Variants in ASTN2 observed in about 807,000 individuals in gnomAD.
ASTN2 encodes the protein astrotactin-2.
ASTN2 carries 54 observed loss-of-function variants against 139.8 expected under a neutral mutation model. That is an observed-to-expected ratio of 0.39 (90% CI 0.31 to 0.48). The LOEUF (loss-of-function observed/expected upper bound fraction) is 0.48, where lower values mean the gene tolerates loss of function less well. ASTN2 is among the 20% of genes least tolerant of loss of function. ASTN2 has a pLI of 0.95. For synonymous variants in ASTN2, 756 were observed against 719.5 expected (o/e 1.05, Z -0.81); for missense variants, 1,565 against 1,725.1 (o/e 0.91, Z 1.64).
chr9:116,834,587 A>C (rs1831926606), intron 11 of ASTN2, among the ~76,000 whole-genome samples: 1 of 152,204 alleles, frequency 6.6e-6, no homozygotes, highest in Non-Finnish European at 1.5e-5. Context: ...ATCTGTTATT[A>C]ATATAGCTAC....
At chr9:117,211,800 C>T (rs906477869) in intron 3 of ASTN2, among the ~76,000 whole-genome samples, 2 of 152,034 alleles carry the variant, frequency 1.3e-5, no homozygotes, top group African/African-American at 4.8e-5. Context: ...ATCCCATCTA[C>T]AACAGCTATA....
chr9:117,186,552 A>T (rs1314008835), intron 3 of ASTN2, among the ~76,000 whole-genome samples: 1 of 152,006 alleles, frequency 6.6e-6, no homozygotes, highest in Non-Finnish European at 1.5e-5. Context: ...GTCTCAAAAA[A>T]ATAAATAAAT....
chr9:116,793,946 T>C (rs900552708), intron 13 of ASTN2, among the ~76,000 whole-genome samples: 1 of 152,132 alleles, frequency 6.6e-6, no homozygotes, highest in Non-Finnish European at 1.5e-5. Flanking sequence ...TCTTAGAGGA[T>C]CATATGGTTT....
intron 13 of ASTN2, among the ~76,000 whole-genome samples, chr9:116,777,083 C>G (rs914189533): frequency 1.3e-5 from 2 of 152,264 alleles, no homozygotes; most frequent in African/African-American, 4.8e-5. Flanking sequence ...TCAAGCTGTG[C>G]TGTGTGAATT....
Position 116,423,384 on chromosome 9 carries a change from G to A in ASTN2, c.*2467C>T, listed in dbSNP as rs1847234456. On this transcript the variant is annotated 3_prime_UTR_variant, in exon 23 of 23. Coordinates refer to ENST00000313400, the MANE Select transcript of ASTN2 (RefSeq NM_001365068.1). ...TCAAGTTACTCCCTTAAGGGCAATA[G>A]CTGGTGAATAGCAGTGTTGTCAGAT... Among the ~76,000 whole-genome samples the A allele has an allele frequency of 6.6e-6, 1 of 152,148 alleles. No homozygotes were observed. The highest frequency in any genetic ancestry group is 2.4e-5 in the African/African-American group (1 of 41,434).
intron 3 of ASTN2, among the ~76,000 whole-genome samples, chr9:117,203,097 C>T (rs1388011647): frequency 6.6e-6 from 1 of 151,678 alleles, no homozygotes; most frequent in African/African-American, 2.4e-5. Context: ...TCATCAAACT[C>T]TGATATCCTT....
chr9:116,506,051 AT>A (rs2119161534), intron 19 of ASTN2, among the ~76,000 whole-genome samples: 1 of 152,224 alleles, frequency 6.6e-6, no homozygotes, highest in Admixed American at 6.5e-5. Flanking sequence ...TTGCACATCT[AT>A]TACTTTACCA....
chr9:116,809,706 CTTTTA>C (rs1332548119), intron 12 of ASTN2, among the ~76,000 whole-genome samples: 3 of 152,104 alleles, frequency 2.0e-5, no homozygotes, highest in Non-Finnish European at 4.4e-5. Context: ...ATTTCATTTT[CTTTTA>C]TTTAATATAT....
intron 5 of ASTN2, among the ~76,000 whole-genome samples, chr9:117,055,573 C>T (rs1429174602): frequency 1.3e-5 from 2 of 152,202 alleles, no homozygotes; most frequent in East Asian, 1.9e-4. Flanking sequence ...AAAGAAATCT[C>T]GTTGAGCAAA....
At chr9:116,946,269 C>G (rs926960681) in intron 10 of ASTN2, among the ~76,000 whole-genome samples, 1 of 152,168 alleles carries the variant, frequency 6.6e-6, no homozygotes, top group Non-Finnish European at 1.5e-5. Context: ...TGATCTCTCC[C>G]TTCTATCAGA....
intron 11 of ASTN2, among the ~76,000 whole-genome samples, chr9:116,854,966 T>TCC (rs199686260): frequency 5.7e-4 from 86 of 150,266 alleles, no homozygotes; most frequent in Non-Finnish European, 8.7e-4. Flanking sequence ...TTCTCATTAT[T>TCC]CCCCCCCCAC....
chr9:116,648,094 C>T (rs542012168), intron 17 of ASTN2, among the ~76,000 whole-genome samples: 4 of 151,486 alleles, frequency 2.6e-5, no homozygotes, highest in Non-Finnish European at 5.9e-5. Context: ...CACTGCCTCT[C>T]GGGTTCAAGC....
At chr9:117,097,685 T>C (rs1428481990) in intron 4 of ASTN2, among the ~76,000 whole-genome samples, 2 of 152,304 alleles carry the variant, frequency 1.3e-5, no homozygotes, top group Non-Finnish European at 2.9e-5. Context: ...TCAAGCACCA[T>C]GCAAACCTAT....
At chr9:116,471,120 T>A (rs1008870860) in intron 20 of ASTN2, among the ~76,000 whole-genome samples, 1 of 152,222 alleles carries the variant, frequency 6.6e-6, no homozygotes, top group Non-Finnish European at 1.5e-5. Context: ...CTGAGTGTCT[T>A]CTTTGCCCCT....
At chr9:116,814,052 A>G (rs917535860) in intron 12 of ASTN2, among the ~76,000 whole-genome samples, 7 of 151,808 alleles carry the variant, frequency 4.6e-5, no homozygotes, top group Admixed American at 3.9e-4. Context: ...AAAAAAAAAA[A>G]AAGAGAGAGA....
At chr9:116,472,341 A>G (rs1848837903) in intron 20 of ASTN2, among the ~76,000 whole-genome samples, 1 of 152,270 alleles carries the variant, frequency 6.6e-6, no homozygotes, top group Middle Eastern at 3.4e-3. Context: ...AATGCTATCC[A>G]TTCTTCCAGA....
intron 16 of ASTN2, chr9:116,686,691 G>T: frequency 6.5e-7 from 1 of 1,550,266 alleles, no homozygotes; most frequent in Non-Finnish European, 8.7e-7. Flanking sequence ...TTGGGTTCCC[G>T]GGTACCTTCA....
intron 11 of ASTN2, among the ~76,000 whole-genome samples, chr9:116,845,281 ATT>A (rs1832394480): frequency 6.6e-6 from 1 of 152,020 alleles, no homozygotes; most frequent in Non-Finnish European, 1.5e-5. Flanking sequence ...TGCCTGGCTA[ATT>A]TTGTTTCTCT....
intron 13 of ASTN2, among the ~76,000 whole-genome samples, chr9:116,779,501 A>AT (rs35487105): frequency 9.4e-5 from 14 of 148,738 alleles, no homozygotes; most frequent in African/African-American, 2.8e-4. Flanking sequence ...AGTCTCAGAT[A>AT]TTTTTTTTTT....
Sources: gnomAD v4.1 joint callset for allele counts (sites outside exome capture counted in the v4.1 genomes callset) on GRCh38, gnomAD v4.1.1 for gene constraint, MANE v1.5 for transcripts, NCBI Gene and HGNC (gene_info 2026-07-23, HGNC 2026-07-21) for gene names.